PTPRD: variants seen among roughly 807,000 people sequenced by gnomAD.
PTPRD encodes receptor-type tyrosine-protein phosphatase delta.
In PTPRD, 34 loss-of-function variants were observed where a neutral mutation model predicts 214.5. The observed-to-expected ratio is 0.16, with a 90% CI of 0.12 to 0.21. The LOEUF (loss-of-function observed/expected upper bound fraction) is 0.21, where lower values mean the gene tolerates loss of function less well. PTPRD is among the 10% of genes least tolerant of loss of function. The pLI, the probability that PTPRD is intolerant of heterozygous loss-of-function variation, is 1.00. For synonymous variants in PTPRD, 1,128 were observed against 845.7 expected (o/e 1.33, Z -5.79); for missense variants, 2,545 against 2,398.7 (o/e 1.06, Z -1.27).
chr9:10,333,596 T>C (rs2096791122), intron 3 of PTPRD, among the ~76,000 whole-genome samples: 1 of 151,796 alleles, frequency 6.6e-6, no homozygotes, highest in Non-Finnish European at 1.5e-5. Context: ...AAAGACAATA[T>C]TTACTTCCAT....
chr9:9,611,705 T>C (rs970384670), intron 7 of PTPRD, among the ~76,000 whole-genome samples: 7 of 152,166 alleles, frequency 4.6e-5, no homozygotes, highest in Non-Finnish European at 8.8e-5. Context: ...TATATATTTA[T>C]ATATAGTCTG....
intron 2 of PTPRD, among the ~76,000 whole-genome samples, chr9:10,360,270 C>A: frequency 6.6e-6 from 1 of 152,202 alleles, no homozygotes; most frequent in East Asian, 1.9e-4. Context: ...TTTGCCTATG[C>A]AACACAATGT....
chr9:10,074,204 C>T (rs1488564527), intron 3 of PTPRD, among the ~76,000 whole-genome samples: 1 of 152,094 alleles, frequency 6.6e-6, no homozygotes, highest in Non-Finnish European at 1.5e-5. Context: ...CTCTCATTGG[C>T]CTGCTTATGT....
chr9:10,343,822 G>T (rs1565423836), intron 2 of PTPRD, among the ~76,000 whole-genome samples: 2 of 151,790 alleles, frequency 1.3e-5, no homozygotes, highest in Admixed American at 1.3e-4. Context: ...TTTTGATGGG[G>T]TTGTTTGTTT....
Position 8,854,541 on chromosome 9 carries a change from G to A in PTPRD, c.-103-120595C>T, listed in dbSNP as rs113711637. 2.5e-3 allele frequency among the ~76,000 whole-genome samples: 375 copies of A among 152,274 alleles called. 1 individual carries two copies. The highest frequency in any genetic ancestry group is 8.6e-3 in the African/African-American group (358 of 41,556). On this transcript the variant is annotated intron_variant, in intron 11 of 45. Coordinates refer to ENST00000381196, the MANE Select transcript of PTPRD (RefSeq NM_002839.4). Reference sequence around the variant, plus strand: ...CTTACAGTGTACTCTTTTACAAACAGTCACCCTTGTCAGTTTGAAAAATTG... The same window carrying A: ...CTTACAGTGTACTCTTTTACAAACAATCACCCTTGTCAGTTTGAAAAATTG...
At chr9:10,073,570 T>G (rs1173381554) in intron 3 of PTPRD, among the ~76,000 whole-genome samples, 1 of 152,084 alleles carries the variant, frequency 6.6e-6, no homozygotes, top group Non-Finnish European at 1.5e-5. Flanking sequence ...TTTGATTTGC[T>G]AAAAATCCCA....
At chr9:10,451,861 G>A (rs112946306) in intron 2 of PTPRD, among the ~76,000 whole-genome samples, 167 of 151,982 alleles carry the variant, frequency 1.1e-3, no homozygotes, top group African/African-American at 3.3e-3. Context: ...CACCCTACTC[G>A]TATGTTACAT....
At chr9:9,853,422 A>G (rs2060923276) in intron 5 of PTPRD, among the ~76,000 whole-genome samples, 1 of 152,212 alleles carries the variant, frequency 6.6e-6, no homozygotes, top group Non-Finnish European at 1.5e-5. Flanking sequence ...CAGGCAATGG[A>G]CCTGATTTGA....
At chr9:10,512,052 G>GTATATA (rs142057374) in intron 2 of PTPRD, among the ~76,000 whole-genome samples, 2 of 124,420 alleles carry the variant, frequency 1.6e-5, no homozygotes, top group Admixed American at 7.9e-5. Flanking sequence ...ATACACACAC[G>GTATATA]TATATATATA....
At chr9:10,126,840 T>C (rs1025508703) in intron 3 of PTPRD, among the ~76,000 whole-genome samples, 1 of 152,098 alleles carries the variant, frequency 6.6e-6, no homozygotes, top group African/African-American at 2.4e-5. Context: ...ACAAACAATG[T>C]GATTCATAAT....
intron 10 of PTPRD, among the ~76,000 whole-genome samples, chr9:9,101,052 C>G (rs2099790553): frequency 6.6e-6 from 1 of 151,844 alleles, no homozygotes; most frequent in African/African-American, 2.4e-5. Flanking sequence ...TAAAAATCAG[C>G]ACATACAAGA....
intron 39 of PTPRD, among the ~76,000 whole-genome samples, chr9:8,359,697 C>T (rs1320532657): frequency 2.0e-5 from 3 of 152,108 alleles, no homozygotes; most frequent in Admixed American, 2.0e-4. Context: ...CTGAGCCACC[C>T]ATCAAGCCAT....
intron 11 of PTPRD, among the ~76,000 whole-genome samples, chr9:8,806,037 C>T (rs1334640626): frequency 6.6e-6 from 1 of 150,902 alleles, no homozygotes; most frequent in Non-Finnish European, 1.5e-5. Context: ...AATTCTCCTG[C>T]CTCAGCCTCC....
Position 8,486,041 on chromosome 9 carries a change from G to T in PTPRD, c.2776C>A (p.His926Asn), listed in dbSNP as rs2135941975. The stretch of plus-strand genomic sequence containing the variant: ...GAGGTTGAAGTGGTGCCTTCTGAGT[G>T]AAGGTTTTGAGGGAATCCAGTTGGT... ...EVPTGFPQNL[H>N]SEGTTSTSVQ... Residue 926 changes from histidine (H) to asparagine (N), a missense_variant, in exon 28 of 46, where the codon CAC (histidine) becomes AAC (asparagine). Transcript: ENST00000381196. The T allele has an allele frequency of 6.2e-7, 1 of 1,614,192 alleles. No homozygotes were observed. The highest frequency in any genetic ancestry group is 8.5e-7 in the Non-Finnish European group (1 of 1,180,020).
chr9:10,441,992 T>A (rs921702414), intron 2 of PTPRD, among the ~76,000 whole-genome samples: 2 of 151,530 alleles, frequency 1.3e-5, no homozygotes, highest in South Asian at 2.1e-4. Flanking sequence ...AGTTGAAAAA[T>A]TTTTAAAGCT....
At chr9:8,424,380 G>A (rs2094533811) in intron 35 of PTPRD, among the ~76,000 whole-genome samples, 1 of 152,112 alleles carries the variant, frequency 6.6e-6, no homozygotes, top group Non-Finnish European at 1.5e-5. Context: ...TACTAGCTGT[G>A]TGACCTTGAG....
intron 12 of PTPRD, among the ~76,000 whole-genome samples, chr9:8,640,704 T>C (rs1329407886): frequency 1.3e-5 from 2 of 148,392 alleles, no homozygotes; most frequent in African/African-American, 2.5e-5. Context: ...AAAATACATA[T>C]ATATATATGA....
At chr9:9,049,469 G>C (rs1241171889) in intron 10 of PTPRD, among the ~76,000 whole-genome samples, 1 of 152,152 alleles carries the variant, frequency 6.6e-6, no homozygotes, top group African/African-American at 2.4e-5. Context: ...TCACAGATTT[G>C]CCATTTCGCT....
chr9:8,999,931 G>A (rs1470800871), intron 11 of PTPRD, among the ~76,000 whole-genome samples: 1 of 151,936 alleles, frequency 6.6e-6, no homozygotes, highest in Admixed American at 6.6e-5. Context: ...GGCTAAACTA[G>A]GGTCAAAGTA....
Sources: gnomAD v4.1 joint callset for allele counts (sites outside exome capture counted in the v4.1 genomes callset) on GRCh38, gnomAD v4.1.1 for gene constraint, MANE v1.5 for transcripts, NCBI Gene and HGNC (gene_info 2026-07-23, HGNC 2026-07-21) for gene names.